The following CLEC4D variants were observed in gnomAD, a reference collection of about 807,000 sequenced individuals.
CLEC4D encodes the protein C-type lectin domain family 4 member D, also known as C-type (calcium dependent, carbohydrate-recognition domain) lectin, superfamily member 8.
Under a neutral mutation model 21.1 loss-of-function variants are expected in CLEC4D, and 21 were observed. The observed-to-expected ratio is 1.00, with a 90% CI of 0.71 to 1.43. The LOEUF is 1.43. Ranked by LOEUF, CLEC4D falls within the 40% of genes most tolerant of loss-of-function variation. The pLI, the probability that CLEC4D is intolerant of heterozygous loss-of-function variation, is 0.00. For missense variants in CLEC4D, 289 were observed against 260.7 expected (o/e 1.11, Z -0.75); for synonymous variants, 85 against 83.1 (o/e 1.02, Z -0.12).
chr12:8,528,233 A>T, the CLEC4D span, among the ~76,000 whole-genome samples: 1 of 152,166 alleles, frequency 6.6e-6, no homozygotes, highest in Admixed American at 6.5e-5. Context: ...TTAATGGGTT[A>T]TCATAGGCAG....
At chr12:8,517,210 T>G (rs1371213996) in intron 2 of CLEC4D, among the ~76,000 whole-genome samples, 1 of 152,242 alleles carries the variant, frequency 6.6e-6, no homozygotes, top group Non-Finnish European at 1.5e-5. Flanking sequence ...TTTCTTGAGC[T>G]GAGTAGTTGT....
In CLEC4D at chr12:8,521,263, T is replaced by A. The variant is rs1940455049; in HGVS notation, c.640T>A (p.Leu214Met). 1 of 1,608,990 alleles carries A rather than the reference T, an allele frequency of 6.2e-7. No homozygotes were observed. Among genetic ancestry groups the A allele is most frequent in the Non-Finnish European group, 8.5e-7 (1 of 1,178,058 alleles). The change falls in exon 6 of 6, where the codon TTG becomes ATG. Residue 214 changes from leucine to methionine, a missense_variant. Coordinates refer to ENST00000299665, the MANE Select transcript of CLEC4D (RefSeq NM_080387.5). Reference protein sequence around the residue: ...SRICKIPGTTLN With the variant: ...SRICKIPGTTMN ...GATTTGTAAAATACCTGGAACAACA[T>A]TGAACTAGAAACTCAGAAAGTGGTC...
Position 8,518,237 on chromosome 12 carries a change from A to G in CLEC4D, c.195A>G (p.Lys65=). Residue 65 remains lysine, a synonymous_variant, in exon 3 of 6, where the codon AAA becomes AAG. Coordinates refer to ENST00000299665, the MANE Select transcript of CLEC4D (RefSeq NM_080387.5). ...AGTTAGAGCACCATGCAAAGCTCAA[A>G]TGCATCAAAGAGAAATCAGAACTGA... ...VHKLEHHAKL[K]CIKEKSELKS... The G allele has an allele frequency of 7.2e-7, 1 of 1,387,780 alleles. No homozygotes were observed. The highest frequency in any genetic ancestry group is 1.2e-5 in the South Asian group (1 of 85,998). The allele number at this position is 1,387,780 out of a possible 1,614,324, so 86.0% of individuals were successfully genotyped here.
In CLEC4D at chr12:8,518,206, T is replaced by G. The variant is rs1293989032; in HGVS notation, c.164T>G (p.Val55Gly). The G allele has an allele frequency of 1.4e-6, 2 of 1,438,906 alleles. No homozygotes were observed. The allele number at this position is 1,438,906 out of a possible 1,614,324, so 89.1% of individuals were successfully genotyped here. Residue 55 changes from valine (V) to glycine (G), a missense_variant, in exon 3 of 6, where the codon GTG becomes GGG. By Grantham distance (109) the Val-to-Gly change is moderately radical. Transcript: ENST00000299665. ...TCACGCTGTAAGAGAGGCACAGGAGTGCACAAGTTAGAGCACCATGCAAAG... is the reference window on the plus strand; with the variant it reads ...TCACGCTGTAAGAGAGGCACAGGAGGGCACAAGTTAGAGCACCATGCAAAG... ...NFSRCKRGTGVHKLEHHAKLK... is the reference protein window; with the variant it reads ...NFSRCKRGTGGHKLEHHAKLK...
intron 3 of CLEC4D, 132 bp from the exon 4 acceptor site, chr12:8,518,877 A>G: frequency 7.1e-7 from 1 of 1,404,718 alleles, no homozygotes; most frequent in Non-Finnish European, 9.3e-7. Flanking sequence ...TGGTAGGAGA[A>G]CAGAATAATT....
At chr12:8,528,459 C>G in the CLEC4D span, among the ~76,000 whole-genome samples, 1 of 152,108 alleles carries the variant, frequency 6.6e-6, no homozygotes, top group Non-Finnish European at 1.5e-5. Context: ...TTTCTAGTCT[C>G]AGATATCCTG....
At chr12:8,520,750 A>G (rs1447426833) in intron 5 of CLEC4D, among the ~76,000 whole-genome samples, 1 of 152,232 alleles carries the variant, frequency 6.6e-6, no homozygotes, top group African/African-American at 2.4e-5. Context: ...TTATATTAAG[A>G]AAGTAAAAAG....
At chr12:8,526,153 G>C (rs914523204), downstream of CLEC4D, among the ~76,000 whole-genome samples, 7 of 152,096 alleles carry the variant, frequency 4.6e-5, no homozygotes, top group Non-Finnish European at 1.0e-4. Context: ...AGAATCTGAT[G>C]ATTATGTGTC....
In CLEC4D at chr12:8,515,335, T is replaced by C. The variant is rs775032619; in HGVS notation, c.121+7T>C. On this transcript the variant is annotated splice_region_variant and intron_variant, in intron 2 of 5. Coordinates refer to ENST00000299665, the MANE Select transcript of CLEC4D (RefSeq NM_080387.5). ...TTTATTGCAAGTTGTTTGGGTAAGTTATTAGCCAAAGTAGAACTCTTCTTG... is the reference window on the plus strand; with the variant it reads ...TTTATTGCAAGTTGTTTGGGTAAGTCATTAGCCAAAGTAGAACTCTTCTTG... The C allele has an allele frequency of 4.1e-5, 48 of 1,181,108 alleles. No homozygotes were observed. The South Asian group carries it at 5.4e-4, about 13-fold the overall frequency. The allele number at this position is 1,181,108 out of a possible 1,614,324, so 73.2% of individuals were successfully genotyped here. A position where few individuals can be genotyped will look rare whatever the true frequency, so the allele number is the denominator to read the frequency against.
intron 1 of CLEC4D, among the ~76,000 whole-genome samples, chr12:8,514,088 T>C (rs943756194): frequency 2.0e-5 from 3 of 152,270 alleles, no homozygotes; most frequent in South Asian, 2.1e-4. Context: ...AGGCTTATGC[T>C]GTATCAGAGG....
At position 8,522,098 on chromosome 12, in the gene CLEC4D, A is replaced by G. The variant is rs1319468046; in HGVS notation, c.*827A>G. ...TTACTGGGGATTACTCGACCTCATT[A>G]CTTAGCTAACGACTGGATAAAATTT... is the stretch of plus-strand genomic sequence containing the variant. On this transcript the variant is annotated 3_prime_UTR_variant, in exon 6 of 6. Transcript: ENST00000299665. The G allele has an allele frequency of 1.3e-5, 2 of 152,160 alleles. No individual in the cohort carries two copies. Among genetic ancestry groups the G allele is most frequent in the Non-Finnish European group, 2.9e-5 (2 of 68,014 alleles). 9.4% of individuals were successfully genotyped at this position (152,160 alleles called of 1,614,324 possible). A position where few individuals can be genotyped will look rare whatever the true frequency, so the allele number is the denominator to read the frequency against.
chr12:8,515,270 G>A lies in CLEC4D; in HGVS notation c.63G>A (p.Ser21=), dbSNP rs763662293. The A allele has an allele frequency of 1.2e-5, 19 of 1,540,310 alleles. No homozygotes were observed. Among genetic ancestry groups the A allele is most frequent in the Admixed American group, 6.7e-5 (4 of 59,858 alleles). The change falls in exon 2 of 6, where the codon TCG becomes TCA. Residue 21 remains serine (S), a synonymous_variant. Transcript: ENST00000299665. ...EGGMHPQLIP[S]VIAVVFILLL... ...GCATGCATCCCCAGCTGATACCTTC[G>A]GTTATTGCTGTAGTTTTCATCTTAC...
intron 2 of CLEC4D, among the ~76,000 whole-genome samples, chr12:8,516,144 G>A (rs896158321): frequency 3.3e-5 from 5 of 152,128 alleles, no homozygotes; most frequent in African/African-American, 1.2e-4. Flanking sequence ...TGTCCAAAAT[G>A]TGAAAAGTAA....
downstream of CLEC4D, among the ~76,000 whole-genome samples, chr12:8,524,363 CT>C (rs1397484788): frequency 6.7e-6 from 1 of 149,764 alleles, no homozygotes; most frequent in Admixed American, 6.6e-5. Context: ...CTATTAATTG[CT>C]GCCTCTATTT....
downstream of CLEC4D, among the ~76,000 whole-genome samples, chr12:8,524,154 G>C (rs1940488476): frequency 6.7e-6 from 1 of 148,438 alleles, no homozygotes; most frequent in Admixed American, 6.7e-5. Flanking sequence ...TTGGCCTGAA[G>C]TTTTTTTTTT....
At chr12:8,519,393 C>A (rs1432332410) in intron 4 of CLEC4D, among the ~76,000 whole-genome samples, 2 of 152,130 alleles carry the variant, frequency 1.3e-5, no homozygotes, top group African/African-American at 4.8e-5. Context: ...CCTCATTCTA[C>A]CCCTCCCTGT....
chr12:8,516,615 G>A (rs1230597005), intron 2 of CLEC4D, among the ~76,000 whole-genome samples: 1 of 152,244 alleles, frequency 6.6e-6, no homozygotes, highest in Non-Finnish European at 1.5e-5. Context: ...TATTGATGAT[G>A]CCATGGAGCA....
intron 4 of CLEC4D, 146 bp downstream of exon 4, chr12:8,519,306 C>G: frequency 7.7e-6 from 10 of 1,303,580 alleles, no homozygotes; most frequent in Non-Finnish European, 1.0e-5. Flanking sequence ...AACTTTTTGT[C>G]ATATGGCCAA....
chr12:8,527,334 C>G (rs1212132427), downstream of CLEC4D, among the ~76,000 whole-genome samples: 1 of 152,202 alleles, frequency 6.6e-6, no homozygotes, highest in Non-Finnish European at 1.5e-5. Context: ...TGTAGCCACC[C>G]CTCTCCCTAG....
Sources: allele counts gnomAD v4.1 joint callset (sites outside exome capture counted in the v4.1 genomes callset), GRCh38; gene constraint gnomAD v4.1.1; transcripts MANE v1.5; gene names NCBI Gene and HGNC (gene_info 2026-07-23, HGNC 2026-07-21).